BCAS1: variants seen among roughly 807,000 people sequenced by gnomAD.
BCAS1 encodes the protein breast carcinoma-amplified sequence 1.
Under a neutral mutation model 65.4 loss-of-function variants are expected in BCAS1, and 46 were observed. The ratio of observed to expected loss-of-function variants is 0.70; its 90% CI spans 0.55 to 0.90. The LOEUF (loss-of-function observed/expected upper bound fraction) is 0.90. Among genes scored for constraint, BCAS1 ranks in the 40% least tolerant of loss-of-function variants. BCAS1 has a pLI of 0.00. For missense variants in BCAS1, 793 were observed against 771.2 expected (o/e 1.03, Z -0.33); for synonymous variants, 298 against 293.5 (o/e 1.02, Z -0.16).
intron 3 of BCAS1, among the ~76,000 whole-genome samples, chr20:54,032,453 G>T (rs2091820915): frequency 6.6e-6 from 1 of 151,114 alleles, no homozygotes; most frequent in Non-Finnish European, 1.5e-5. Flanking sequence ...CATGATGACG[G>T]TATCAAATCG....
At chr20:54,044,841 A>AAAAAAG (rs1287799713) in intron 3 of BCAS1, among the ~76,000 whole-genome samples, 3 of 152,150 alleles carry the variant, frequency 2.0e-5, no homozygotes, top group Non-Finnish European at 2.9e-5. Flanking sequence ...CTGTCTCAAA[A>AAAAAAG]AAAAAAAGAA....
intron 1 of BCAS1, among the ~76,000 whole-genome samples, chr20:54,067,132 T>C (rs895686344): frequency 2.0e-5 from 3 of 152,192 alleles, no homozygotes; most frequent in Non-Finnish European, 4.4e-5. Context: ...CCCAGCAGTT[T>C]GGGAGGCTGA....
At chr20:53,999,310 C>T (rs1229162421) in intron 4 of BCAS1, among the ~76,000 whole-genome samples, 1 of 152,214 alleles carries the variant, frequency 6.6e-6, no homozygotes. Context: ...TATAGCTTTA[C>T]AGTTACGAGG....
intron 11 of BCAS1, among the ~76,000 whole-genome samples, chr20:53,955,603 G>A (rs745401231): frequency 6.6e-5 from 10 of 152,204 alleles, no homozygotes; most frequent in Non-Finnish European, 1.5e-4. Context: ...CTTGCTGTGT[G>A]ACCAAGGATA....
intron 3 of BCAS1, among the ~76,000 whole-genome samples, chr20:54,052,109 A>G (rs2092226473): frequency 6.6e-6 from 1 of 152,192 alleles, no homozygotes. Flanking sequence ...TATCTGATTG[A>G]AGTATAATTC....
At chr20:54,014,012 T>C (rs138543651) in intron 4 of BCAS1, among the ~76,000 whole-genome samples, 18 of 152,336 alleles carry the variant, frequency 1.2e-4, no homozygotes, top group African/African-American at 4.1e-4. Context: ...AAATTAAGAC[T>C]AAAGCAAAAT....
chr20:53,984,142 G>A (rs1422410707), intron 8 of BCAS1, among the ~76,000 whole-genome samples: 3 of 152,108 alleles, frequency 2.0e-5, no homozygotes, highest in Non-Finnish European at 4.4e-5. Context: ...ATATGCATAT[G>A]AATACATGGT....
chr20:53,957,676 C>A (rs898163561), intron 10 of BCAS1, among the ~76,000 whole-genome samples, 179 bp from the exon 11 acceptor site: 11 of 152,144 alleles, frequency 7.2e-5, no homozygotes, highest in African/African-American at 1.4e-4. Context: ...CAATTTCTAA[C>A]CAGATCTAAT....
chr20:54,009,899 T>C (rs2091283940), intron 4 of BCAS1, among the ~76,000 whole-genome samples: 1 of 152,186 alleles, frequency 6.6e-6, no homozygotes, highest in Non-Finnish European at 1.5e-5. Context: ...TGGGATTTAC[T>C]ATAGGTTTGC....
At chr20:54,031,499 C>T (rs1161176144) in intron 3 of BCAS1, among the ~76,000 whole-genome samples, 1 of 151,156 alleles carries the variant, frequency 6.6e-6, no homozygotes, top group Admixed American at 6.6e-5. Flanking sequence ...CTCAGATGCT[C>T]ACCTCCTAGG....
At chr20:54,013,266 ACAACT>A (rs150893817) in intron 4 of BCAS1, among the ~76,000 whole-genome samples, 1,931 of 152,356 alleles carry the variant, frequency 0.013, 35 homozygotes, top group African/African-American at 0.044. Context: ...ACTTGGTGTC[ACAACT>A]CAACCCTCTA....
intron 9 of BCAS1, 129 bp from the exon 10 acceptor site, chr20:53,967,202 C>A (rs1465839326): frequency 2.2e-6 from 2 of 892,856 alleles, no homozygotes; most frequent in Non-Finnish European, 1.7e-6. Flanking sequence ...ATGACCATTT[C>A]TACACAGGCA....
chr20:53,985,528 A>G (rs1568845000), intron 7 of BCAS1, 29 bp from the exon 8 acceptor site: 2 of 1,600,964 alleles, frequency 1.2e-6, no homozygotes, highest in Non-Finnish European at 1.7e-6. Flanking sequence ...TGGAGGGAAA[A>G]CATTCAAAAT....
At chr20:54,047,638 C>T (rs2092133984) in intron 3 of BCAS1, among the ~76,000 whole-genome samples, 1 of 152,100 alleles carries the variant, frequency 6.6e-6, no homozygotes, top group South Asian at 2.1e-4. Context: ...TGATACAGTG[C>T]AATGGAGGGA....
chr20:54,066,165 C>T (rs147691499), intron 1 of BCAS1, among the ~76,000 whole-genome samples: 11,983 of 151,874 alleles, frequency 0.079, 532 homozygotes, highest in South Asian at 0.12. Flanking sequence ...CTCCGTCTCC[C>T]GGGTTCACAC....
chr20:53,966,903 T>C lies in BCAS1; in HGVS notation c.1485+3A>G, dbSNP rs1568821619. 1.2e-6 allele frequency: 2 copies of C among 1,604,336 alleles called. No individual in the cohort carries two copies. The highest frequency in any genetic ancestry group is 4.5e-5 in the East Asian group (2 of 44,782). The stretch of plus-strand genomic sequence containing the variant: ...TTTCCTATACTGGAAGTAAGGGGCT[T>C]ACCATTTGTCTGAGAAACGCCATCA... On this transcript the variant is annotated splice_donor_region_variant and intron_variant, in intron 10 of 12. Coordinates refer to ENST00000688948, the MANE Select transcript of BCAS1 (RefSeq NM_001366298.2).
intron 1 of BCAS1, among the ~76,000 whole-genome samples, chr20:54,064,280 T>G (rs1472774509): frequency 6.6e-6 from 1 of 152,214 alleles, no homozygotes; most frequent in Non-Finnish European, 1.5e-5. Flanking sequence ...TGAGAGCCCC[T>G]GTTTTGGATA....
At chr20:54,022,036 TA>T (rs1392601532) in intron 4 of BCAS1, among the ~76,000 whole-genome samples, 2 of 152,124 alleles carry the variant, frequency 1.3e-5, no homozygotes, top group Non-Finnish European at 2.9e-5. Context: ...CTTTAATGTG[TA>T]AAAATGCAGC....
intron 3 of BCAS1, among the ~76,000 whole-genome samples, chr20:54,037,757 C>T (rs1422407271): frequency 6.6e-6 from 1 of 151,070 alleles, no homozygotes; most frequent in East Asian, 1.9e-4. Context: ...AGTATTTGAA[C>T]CCACATTTGC....
Sources: gnomAD v4.1 joint callset for allele counts (sites outside exome capture counted in the v4.1 genomes callset) on GRCh38, gnomAD v4.1.1 for gene constraint, MANE v1.5 for transcripts, NCBI Gene and HGNC (gene_info 2026-07-23, HGNC 2026-07-21) for gene names.